The following GPC6 variants were observed in gnomAD, a reference collection of about 807,000 sequenced individuals.
GPC6 encodes the protein glypican 6, also known as glypican-6.
A neutral mutation model predicts 55.2 loss-of-function variants in GPC6; 14 were observed. The observed-to-expected ratio is 0.25, with a 90% CI of 0.17 to 0.40. The LOEUF is 0.40. Among genes scored for constraint, GPC6 ranks in the 10% least tolerant of loss-of-function variants. The pLI is 1.00. For synonymous variants in GPC6, 278 were observed against 259.6 expected, an observed-to-expected ratio of 1.07 and a Z score of -0.68; for missense variants, 641 against 708.5, an observed-to-expected ratio of 0.90 and a Z score of 1.08.
intron 2 of GPC6, among the ~76,000 whole-genome samples, chr13:93,728,925 G>A (rs1360590691): frequency 6.6e-6 from 1 of 152,078 alleles, no homozygotes; most frequent in Non-Finnish European, 1.5e-5. Context: ...TTCTAGATCA[G>A]CAATATCCAG....
intron 2 of GPC6, among the ~76,000 whole-genome samples, chr13:93,799,331 A>G (rs1284746851): frequency 6.6e-6 from 1 of 152,206 alleles, no homozygotes; most frequent in Non-Finnish European, 1.5e-5. Flanking sequence ...TATGATATGT[A>G]TCAGTGGTTA....
At chr13:93,648,995 A>T (rs928533191) in intron 2 of GPC6, among the ~76,000 whole-genome samples, 2 of 152,192 alleles carry the variant, frequency 1.3e-5, no homozygotes, top group Non-Finnish European at 2.9e-5. Flanking sequence ...TCATTTAAAA[A>T]TTTTTGAGAT....
At chr13:93,800,899 A>G (rs913462304) in intron 2 of GPC6, among the ~76,000 whole-genome samples, 4 of 152,142 alleles carry the variant, frequency 2.6e-5, no homozygotes, top group African/African-American at 9.7e-5. Flanking sequence ...TGCCAGTGCT[A>G]TAAGTTTGTA....
chr13:93,513,190 G>C (rs1881049491), intron 1 of GPC6, among the ~76,000 whole-genome samples: 1 of 152,182 alleles, frequency 6.6e-6, no homozygotes, highest in African/African-American at 2.4e-5. Flanking sequence ...TGAACACTTT[G>C]TGTAGTAGTT....
intron 6 of GPC6, among the ~76,000 whole-genome samples, chr13:94,362,310 T>C (rs563124796): frequency 2.6e-5 from 4 of 152,294 alleles, no homozygotes; most frequent in African/African-American, 9.6e-5. Context: ...TCAGAAAATA[T>C]CTATCTTAAA....
intron 2 of GPC6, chr13:93,818,475 C>T (rs916390050): frequency 6.6e-6 from 1 of 152,150 alleles, no homozygotes; most frequent in Non-Finnish European, 1.5e-5. Context: ...CTAGGTGGGC[C>T]GTGACTGGCA....
At chr13:94,196,880 G>T (rs1283823481) in intron 4 of GPC6, among the ~76,000 whole-genome samples, 1 of 152,156 alleles carries the variant, frequency 6.6e-6, no homozygotes, top group Admixed American at 6.5e-5. Context: ...TTTTAAAAGA[G>T]ACACTTATAT....
intron 2 of GPC6, among the ~76,000 whole-genome samples, chr13:93,618,784 G>A (rs1166653479): frequency 1.3e-5 from 2 of 152,080 alleles, no homozygotes; most frequent in African/African-American, 4.8e-5. Flanking sequence ...GGTATACAAG[G>A]ATTTATATGT....
At chr13:93,418,228 A>C (rs1291319237) in intron 1 of GPC6, among the ~76,000 whole-genome samples, 1 of 151,914 alleles carries the variant, frequency 6.6e-6, no homozygotes, top group Non-Finnish European at 1.5e-5. Context: ...TAATAATCAC[A>C]TCATGATAAA....
intron 4 of GPC6, among the ~76,000 whole-genome samples, chr13:94,130,778 A>G (rs1000060629): frequency 1.3e-5 from 2 of 152,128 alleles, no homozygotes; most frequent in African/African-American, 4.8e-5. Context: ...GAAAAGTTTT[A>G]ATAAGCTTAT....
At chr13:93,580,179 C>T (rs559617855) in intron 2 of GPC6, among the ~76,000 whole-genome samples, 6 of 152,202 alleles carry the variant, frequency 3.9e-5, no homozygotes, top group Non-Finnish European at 5.9e-5. Context: ...GTTCATGGGC[C>T]ATCTTCTCAC....
intron 1 of GPC6, among the ~76,000 whole-genome samples, chr13:93,399,960 G>A (rs1240281297): frequency 6.6e-6 from 1 of 152,162 alleles, no homozygotes; most frequent in Non-Finnish European, 1.5e-5. Context: ...TCAGAAGTAG[G>A]CAAGATACAA....
chr13:94,075,009 C>A (rs1594715803), intron 4 of GPC6, among the ~76,000 whole-genome samples: 1 of 151,454 alleles, frequency 6.6e-6, no homozygotes, highest in Non-Finnish European at 1.5e-5. Context: ...TACTCCTAGA[C>A]CTTAAATTTT....
intron 2 of GPC6, among the ~76,000 whole-genome samples, chr13:93,560,929 A>G (rs994794346): frequency 6.6e-6 from 1 of 152,172 alleles, no homozygotes; most frequent in Non-Finnish European, 1.5e-5. Context: ...TCTCTTCCCC[A>G]GTAACTTCAT....
At chr13:93,698,436 A>G (rs1882539601) in intron 2 of GPC6, among the ~76,000 whole-genome samples, 1 of 132,974 alleles carries the variant, frequency 7.5e-6, no homozygotes, top group Non-Finnish European at 1.6e-5. Flanking sequence ...CATGTGTTTA[A>G]GTGTATTTTT....
At chr13:93,919,440 T>C (rs1320655786) in intron 3 of GPC6, among the ~76,000 whole-genome samples, 2 of 152,226 alleles carry the variant, frequency 1.3e-5, no homozygotes, top group Non-Finnish European at 2.9e-5. Flanking sequence ...GGTTCACTAA[T>C]GTGGGTCTTA....
In GPC6 at chr13:94,134,594, G is replaced by A. The variant is rs770786936; in HGVS notation, c.877+106700G>A. Among the ~76,000 whole-genome samples the A allele has an allele frequency of 2.8e-4, 43 of 152,178 alleles. 1 individual carries two copies. Among genetic ancestry groups the A allele is most frequent in the Non-Finnish European group, 4.9e-4 (33 of 68,012 alleles). On this transcript the variant is annotated intron_variant, in intron 4 of 8. Coordinates refer to ENST00000377047, the MANE Select transcript of GPC6 (RefSeq NM_005708.5). ...ATAAATGAGGTGTCCTCCTAATATA[G>A]CACATAACTTATTGTTGCATTTTAT...
At chr13:93,734,078 A>G (rs1016179965) in intron 2 of GPC6, among the ~76,000 whole-genome samples, 1 of 151,034 alleles carries the variant, frequency 6.6e-6, no homozygotes. Flanking sequence ...CAGCTTCTAC[A>G]GAAATGTAGG....
At chr13:93,935,259 C>T (rs1878377214) in intron 3 of GPC6, among the ~76,000 whole-genome samples, 1 of 152,064 alleles carries the variant, frequency 6.6e-6, no homozygotes. Context: ...ACCCTTGGCC[C>T]CCTCCCATCC....
Sources: gnomAD v4.1 joint callset for allele counts (sites outside exome capture counted in the v4.1 genomes callset) on GRCh38, gnomAD v4.1.1 for gene constraint, MANE v1.5 for transcripts, NCBI Gene and HGNC (gene_info 2026-07-23, HGNC 2026-07-21) for gene names.